The following VSTM2L variants were observed in gnomAD, a reference collection of about 807,000 sequenced individuals.
VSTM2L encodes the protein V-set and transmembrane domain containing 2 like.
Under a neutral mutation model 19.9 loss-of-function variants are expected in VSTM2L, and 9 were observed. The ratio of observed to expected loss-of-function variants is 0.45; its 90% confidence interval spans 0.27 to 0.79. The LOEUF is 0.79. VSTM2L is among the 30% of genes least tolerant of loss of function. The pLI is 0.15. For synonymous variants in VSTM2L, 127 were observed against 133.8 expected (o/e 0.95, Z 0.35); for missense variants, 286 against 295.5 (o/e 0.97, Z 0.24).
At position 37,903,308 on chromosome 20, in the gene VSTM2L, G is replaced by A. The variant is rs1007133102; in HGVS notation, c.-43G>A. Reference sequence around the variant, plus strand: ...TGGCGCCGGTTCTGCGGTCTCCGGGGCCCAGATGTGAGGCGGCGGCGCCCC... The same window carrying A: ...TGGCGCCGGTTCTGCGGTCTCCGGGACCCAGATGTGAGGCGGCGGCGCCCC... On this transcript the variant is annotated 5_prime_UTR_variant, in exon 1 of 4. Coordinates refer to ENST00000373461, the MANE Select transcript of VSTM2L (RefSeq NM_080607.3). 5.7e-5 allele frequency: 80 copies of A among 1,397,284 alleles called. No individual in the cohort carries two copies. The highest frequency in any genetic ancestry group is 6.9e-5 in the Non-Finnish European group (75 of 1,083,656). 86.6% of individuals were successfully genotyped at this position (1,397,284 alleles called of 1,614,324 possible).
At chr20:37,916,363 C>T (rs1226154174) in intron 1 of VSTM2L, among the ~76,000 whole-genome samples, 1 of 152,276 alleles carries the variant, frequency 6.6e-6, no homozygotes, top group Non-Finnish European at 1.5e-5. Flanking sequence ...TCCCTCCCTC[C>T]CACCTGCTCT....
At chr20:37,908,288 A>C (rs1432996966) in intron 1 of VSTM2L, among the ~76,000 whole-genome samples, 1 of 152,202 alleles carries the variant, frequency 6.6e-6, no homozygotes, top group Non-Finnish European at 1.5e-5. Context: ...CCTGCGGCAA[A>C]CAAGTGGGCA....
rs1416477364 is a variant in VSTM2L at position 37,945,159 on chromosome 20, C to T, written c.*906C>T. The T allele has an allele frequency of 2.0e-6, 2 of 985,596 alleles. No individual in the cohort carries two copies. Among genetic ancestry groups the T allele is most frequent in the East Asian group, 1.1e-4 (1 of 8,790 alleles). 61.1% of individuals were successfully genotyped at this position (985,596 alleles called of 1,614,324 possible). On this transcript the variant is annotated 3_prime_UTR_variant, in exon 4 of 4. Transcript: ENST00000373461. ...TTCCCGATCACGGGCACACCTGCCC[C>T]CTGGTTATTTGTAAATATTTCTATT...
chr20:37,910,960 A>G (rs993180364), intron 1 of VSTM2L, among the ~76,000 whole-genome samples: 6 of 151,002 alleles, frequency 4.0e-5, no homozygotes, highest in African/African-American at 9.7e-5. Flanking sequence ...AGAAGAATAT[A>G]TACGTATTGT....
intron 1 of VSTM2L, among the ~76,000 whole-genome samples, chr20:37,904,266 C>T (rs1017454833): frequency 1.3e-5 from 2 of 152,306 alleles, no homozygotes; most frequent in East Asian, 1.9e-4. Flanking sequence ...AGTGGAATGC[C>T]GGGTGCTTTT....
chr20:37,909,246 A>G (rs1488477434), intron 1 of VSTM2L, among the ~76,000 whole-genome samples: 1 of 152,226 alleles, frequency 6.6e-6, no homozygotes. Flanking sequence ...GATTTTCGAA[A>G]GCATGGGGAG....
chr20:37,937,621 TCACTGTAA>T (rs1240067989), intron 3 of VSTM2L, among the ~76,000 whole-genome samples: 3 of 152,208 alleles, frequency 2.0e-5, no homozygotes, highest in Non-Finnish European at 4.4e-5. Flanking sequence ...GGGGACTTCA[TCACTGTAA>T]ATCGCTCGTG....
At chr20:37,918,129 C>T (rs1020524023) in intron 1 of VSTM2L, among the ~76,000 whole-genome samples, 4 of 152,122 alleles carry the variant, frequency 2.6e-5, no homozygotes, top group East Asian at 1.9e-4. Flanking sequence ...GTTCTCACTA[C>T]GGGCAAGGAT....
intron 1 of VSTM2L, among the ~76,000 whole-genome samples, chr20:37,928,165 C>T (rs2072888906): frequency 6.6e-6 from 1 of 152,162 alleles, no homozygotes; most frequent in Non-Finnish European, 1.5e-5. Context: ...CACCCCTCTC[C>T]TCATGTTTGC....
intron 3 of VSTM2L, among the ~76,000 whole-genome samples, chr20:37,941,672 A>G (rs2072972887): frequency 6.6e-6 from 1 of 152,116 alleles, no homozygotes; most frequent in African/African-American, 2.4e-5. Context: ...GTCCCTCCAG[A>G]AGAGACAGAC....
At chr20:37,906,222 G>T (rs1385025452) in intron 1 of VSTM2L, among the ~76,000 whole-genome samples, 1 of 152,092 alleles carries the variant, frequency 6.6e-6, no homozygotes, top group Non-Finnish European at 1.5e-5. Context: ...GGTCAGATGG[G>T]TCAGAAAGGA....
In VSTM2L at chr20:37,944,625, C is replaced by T. The variant is rs1431646913; in HGVS notation, c.*372C>T. The T allele has an allele frequency of 4.9e-6, 5 of 1,029,088 alleles. No individual in the cohort carries two copies. Among genetic ancestry groups the T allele is most frequent in the African/African-American group, 1.7e-5 (1 of 59,060 alleles). 63.7% of individuals were successfully genotyped at this position (1,029,088 alleles called of 1,614,324 possible). ...CCCATCCTGTCCTGAGCCGGGGCCC[C>T]CCAGCCTCGCCTCCCTCCTCCTACC... On this transcript the variant is annotated 3_prime_UTR_variant, in exon 4 of 4. Coordinates refer to ENST00000373461, the MANE Select transcript of VSTM2L (RefSeq NM_080607.3).
At chr20:37,937,725 C>T (rs554259899) in intron 3 of VSTM2L, among the ~76,000 whole-genome samples, 1 of 152,292 alleles carries the variant, frequency 6.6e-6, no homozygotes, top group East Asian at 1.9e-4. Context: ...GCTCTCAGTC[C>T]ACTGTGAGAG....
chr20:37,908,746 T>C (rs1245868513), intron 1 of VSTM2L, among the ~76,000 whole-genome samples: 2 of 152,182 alleles, frequency 1.3e-5, no homozygotes, highest in Non-Finnish European at 2.9e-5. Context: ...GAGGTTGCAG[T>C]GAGCTGAGAT....
At chr20:37,936,759 T>C (rs2072943080) in intron 3 of VSTM2L, among the ~76,000 whole-genome samples, 1 of 152,214 alleles carries the variant, frequency 6.6e-6, no homozygotes, top group African/African-American at 2.4e-5. Flanking sequence ...TTTTCCTCAG[T>C]TAGCTGTTGT....
chr20:37,940,689 C>A (rs528749274), intron 3 of VSTM2L, among the ~76,000 whole-genome samples: 3 of 152,210 alleles, frequency 2.0e-5, no homozygotes, highest in Non-Finnish European at 4.4e-5. Context: ...AAAGAACTAC[C>A]AGAGACTAGG....
At chr20:37,920,461 T>C (rs917915441) in intron 1 of VSTM2L, among the ~76,000 whole-genome samples, 15 of 152,348 alleles carry the variant, frequency 9.8e-5, no homozygotes, top group African/African-American at 3.4e-4. Flanking sequence ...ACTGTCAGCC[T>C]TTATTTATTG....
At chr20:37,927,124 C>T (rs537861713) in intron 1 of VSTM2L, among the ~76,000 whole-genome samples, 370 of 152,228 alleles carry the variant, frequency 2.4e-3, no homozygotes, top group Non-Finnish European at 4.4e-3. Flanking sequence ...GCCACCACAC[C>T]CAGCTAATTT....
intron 1 of VSTM2L, among the ~76,000 whole-genome samples, chr20:37,908,088 C>T (rs369717013): frequency 2.2e-4 from 34 of 152,234 alleles, no homozygotes; most frequent in Non-Finnish European, 3.4e-4. Flanking sequence ...GAGGGTTTCC[C>T]GGCCTCCTGT....
Sources: allele counts gnomAD v4.1 joint callset (sites outside exome capture counted in the v4.1 genomes callset), GRCh38; gene constraint gnomAD v4.1.1; transcripts MANE v1.5; gene names NCBI Gene and HGNC (gene_info 2026-07-23, HGNC 2026-07-21).